Variants in YES1 observed in about 807,000 individuals in gnomAD.
YES1 encodes YES proto-oncogene 1, Src family tyrosine kinase.
A neutral mutation model predicts 70.4 loss-of-function variants in YES1; 39 were observed. That is an observed-to-expected ratio of 0.55 (90% confidence interval 0.43 to 0.72). The LOEUF is 0.72. YES1 is among the 30% of genes least tolerant of loss of function. The probability of loss-of-function intolerance (pLI) is 0.00; values close to 1 mark genes in which losing one functional copy is unlikely to be tolerated. For synonymous variants in YES1, 198 were observed against 218.6 expected (o/e 0.91, Z 0.83); for missense variants, 495 against 644.8 (o/e 0.77, Z 2.52).
Position 768,642 on chromosome 18 carries a change from G to A in YES1, c.-8-11807C>T, listed in dbSNP as rs538876857. ...GGACCACATATATGACGGTGGTCCC[G>A]TAAGATTATAATACTGTATTTTTAC... On this transcript the variant is annotated intron_variant, in intron 1 of 11. Transcript: ENST00000314574. Among the ~76,000 whole-genome samples the A allele has an allele frequency of 8.5e-5, 13 of 152,122 alleles. No homozygotes were observed. In the East Asian group the frequency reaches 1.3e-3, roughly 16 times the overall value.
At chr18:754,959 A>G (rs553930456) in intron 2 of YES1, among the ~76,000 whole-genome samples, 6 of 152,304 alleles carry the variant, frequency 3.9e-5, no homozygotes, top group Admixed American at 1.3e-4. Flanking sequence ...CTGAGTGTAC[A>G]CTGAGTTAAT....
intron 3 of YES1, among the ~76,000 whole-genome samples, chr18:749,219 C>T (rs1230731784): frequency 1.3e-5 from 2 of 152,048 alleles, no homozygotes; most frequent in African/African-American, 2.4e-5. Context: ...TCTGGCCGGG[C>T]GCGGTGGCTT....
At chr18:770,961 G>A (rs1399140402) in intron 1 of YES1, among the ~76,000 whole-genome samples, 1 of 150,564 alleles carries the variant, frequency 6.6e-6, no homozygotes, top group African/African-American at 2.5e-5. Context: ...GTGACAGTAG[G>A]TACCACCGCA....
chr18:757,366 G>A (rs561640476), intron 1 of YES1, among the ~76,000 whole-genome samples: 585 of 152,208 alleles, frequency 3.8e-3, no homozygotes, highest in Non-Finnish European at 5.7e-3. Flanking sequence ...AGCCGGGCGT[G>A]GTGGTGGGCG....
chr18:765,752 G>A (rs1407396823), intron 1 of YES1, among the ~76,000 whole-genome samples: 1 of 152,098 alleles, frequency 6.6e-6, no homozygotes, highest in Non-Finnish European at 1.5e-5. Flanking sequence ...AGACTTTCAG[G>A]AAGAAAATGG....
chr18:793,525 T>C (rs992756208), intron 1 of YES1, among the ~76,000 whole-genome samples: 3 of 151,964 alleles, frequency 2.0e-5, no homozygotes, highest in African/African-American at 7.3e-5. Flanking sequence ...TTTGCAGAGA[T>C]GGGGTCTCAC....
chr18:762,084 G>A (rs1904620402), intron 1 of YES1, among the ~76,000 whole-genome samples: 1 of 152,196 alleles, frequency 6.6e-6, no homozygotes, highest in African/African-American at 2.4e-5. Context: ...ACTTTGGGAG[G>A]CCAGGGTGGG....
At chr18:739,454 T>A in intron 9 of YES1, 1 of 264,376 alleles carries the variant, frequency 3.8e-6, no homozygotes, top group Non-Finnish European at 7.0e-6. Flanking sequence ...ATTTTTTAAA[T>A]TAGCTGGGAA....
intron 1 of YES1, among the ~76,000 whole-genome samples, chr18:791,153 G>A (rs770362942): frequency 1.7e-4 from 26 of 151,772 alleles, no homozygotes; most frequent in Non-Finnish European, 3.1e-4. Flanking sequence ...GGGAGGCTGA[G>A]GCAGGAGAAT....
At chr18:770,875 G>C (rs1482946972) in intron 1 of YES1, among the ~76,000 whole-genome samples, 1 of 152,092 alleles carries the variant, frequency 6.6e-6, no homozygotes, top group Non-Finnish European at 1.5e-5. Flanking sequence ...TGCCAGAGTG[G>C]TGGCTCATGC....
intron 1 of YES1, among the ~76,000 whole-genome samples, chr18:804,305 AT>A (rs1906973471): frequency 6.6e-6 from 1 of 152,202 alleles, no homozygotes; most frequent in Non-Finnish European, 1.5e-5. Flanking sequence ...CATTTTTCTA[AT>A]TTTATTACGA....
At chr18:790,161 A>C (rs1374792102) in intron 1 of YES1, among the ~76,000 whole-genome samples, 1 of 152,206 alleles carries the variant, frequency 6.6e-6, no homozygotes, top group Non-Finnish European at 1.5e-5. Flanking sequence ...GGATCACCTG[A>C]GGTCAGAAGT....
intron 1 of YES1, among the ~76,000 whole-genome samples, chr18:759,195 G>A (rs944004965): frequency 6.6e-6 from 1 of 152,182 alleles, no homozygotes; most frequent in Admixed American, 6.5e-5. Context: ...GGCTAGGCGC[G>A]GTGGCTCACG....
chr18:737,952 G>A (rs2080171855), intron 9 of YES1: 1 of 152,024 alleles, frequency 6.6e-6, no homozygotes, highest in African/African-American at 2.4e-5. Flanking sequence ...CGAGATTATA[G>A]GAGCCATCTC....
At chr18:777,441 T>C (rs925398660) in intron 1 of YES1, among the ~76,000 whole-genome samples, 1 of 152,230 alleles carries the variant, frequency 6.6e-6, no homozygotes, top group Admixed American at 6.5e-5. Context: ...TTTCCAACTA[T>C]TTCCTAACTT....
intron 1 of YES1, among the ~76,000 whole-genome samples, chr18:779,280 T>G (rs1905536174): frequency 2.0e-5 from 3 of 151,860 alleles, no homozygotes; most frequent in South Asian, 4.2e-4. Context: ...GGTACACACC[T>G]GTAGTCCTGG....
intron 1 of YES1, among the ~76,000 whole-genome samples, chr18:782,494 G>C (rs1004982495): frequency 6.6e-6 from 1 of 151,876 alleles, no homozygotes; most frequent in African/African-American, 2.4e-5. Context: ...AAATACTTAG[G>C]GCTCACTACT....
intron 2 of YES1, among the ~76,000 whole-genome samples, chr18:755,789 A>C (rs1199192132): frequency 6.6e-6 from 1 of 152,212 alleles, no homozygotes; most frequent in African/African-American, 2.4e-5. Flanking sequence ...TGCTCTATCA[A>C]GGAATCCTGA....
intron 1 of YES1, among the ~76,000 whole-genome samples, chr18:763,028 T>C (rs1460331063): frequency 6.6e-6 from 1 of 151,876 alleles, no homozygotes; most frequent in Non-Finnish European, 1.5e-5. Context: ...TCTTGAAGAG[T>C]TGGAGACTTG....
Sources: gnomAD v4.1 joint callset for allele counts (sites outside exome capture counted in the v4.1 genomes callset) on GRCh38, gnomAD v4.1.1 for gene constraint, MANE v1.5 for transcripts, NCBI Gene and HGNC (gene_info 2026-07-23, HGNC 2026-07-21) for gene names.